Variants in IL21R observed in about 807,000 individuals in gnomAD.
IL21R encodes the protein interleukin 21 receptor.
IL21R carries 14 observed loss-of-function variants against 41.3 expected under a neutral mutation model. That is an observed-to-expected ratio of 0.34 (90% confidence interval 0.22 to 0.53). The LOEUF (loss-of-function observed/expected upper bound fraction) is 0.53. Ranked by LOEUF, IL21R falls within the 20% of genes least tolerant of loss-of-function variation. The pLI, the probability that IL21R is intolerant of heterozygous loss-of-function variation, is 0.94. For synonymous variants in IL21R, 286 were observed against 287.6 expected (o/e 0.99, Z 0.05); for missense variants, 588 against 681.6 (o/e 0.86, Z 1.53).
chr16:27,438,440 G>T (rs2087312486), intron 4 of IL21R, among the ~76,000 whole-genome samples: 1 of 152,188 alleles, frequency 6.6e-6, no homozygotes, highest in South Asian at 2.1e-4. Flanking sequence ...AATTAGGGCA[G>T]GTGGCAGGGC....
chr16:27,437,389 C>T lies in IL21R; in HGVS notation c.153-99C>T, dbSNP rs1032369255. The T allele has an allele frequency of 3.1e-6, 3 of 980,790 alleles. No individual in the cohort carries two copies. In the African/African-American group the frequency reaches 4.8e-5, roughly 16 times the overall value. 60.8% of individuals were successfully genotyped at this position (980,790 alleles called of 1,614,324 possible). The stretch of plus-strand genomic sequence containing the variant: ...GCCCTGCCTCAAATCCCTCCCAGCC[C>T]TGAGAGTCTGGGCTTCTGCCCTGGC... On this transcript the variant is annotated intron_variant, in intron 3 of 8. Coordinates refer to ENST00000337929, the MANE Select transcript of IL21R (RefSeq NM_181078.3).
intron 1 of IL21R, chr16:27,403,286 G>T: frequency 7.7e-7 from 1 of 1,297,416 alleles, no homozygotes. Flanking sequence ...AGTGGAGGCT[G>T]AGCCTTGAAG....
At chr16:27,440,625 G>A (rs1291532242) in intron 4 of IL21R, among the ~76,000 whole-genome samples, 1 of 152,164 alleles carries the variant, frequency 6.6e-6, no homozygotes, top group Non-Finnish European at 1.5e-5. Flanking sequence ...TGTGTTCTAG[G>A]AGCTGTGGGC....
chr16:27,421,200 A>C (rs367940934), intron 1 of IL21R, among the ~76,000 whole-genome samples: 1 of 152,096 alleles, frequency 6.6e-6, no homozygotes, highest in African/African-American at 2.4e-5. Flanking sequence ...CACAGTGTTG[A>C]TAAGTGTAGC....
chr16:27,442,879 G>A, intron 4 of IL21R, 83 bp from the exon 5 acceptor site: 2 of 1,319,478 alleles, frequency 1.5e-6, no homozygotes, highest in Non-Finnish European at 1.1e-6. Flanking sequence ...GTGGGGGCAG[G>A]CAGGACTTCC....
chr16:27,414,512 C>T (rs2086868629), intron 1 of IL21R, among the ~76,000 whole-genome samples: 1 of 151,882 alleles, frequency 6.6e-6, no homozygotes, highest in African/African-American at 2.4e-5. Context: ...TTCTACTTTC[C>T]TTTAATGTCA....
At chr16:27,424,405 C>A (rs540106430) in intron 1 of IL21R, among the ~76,000 whole-genome samples, 1 of 152,248 alleles carries the variant, frequency 6.6e-6, no homozygotes, top group South Asian at 2.1e-4. Flanking sequence ...CTCCATAGCA[C>A]TCACTTCAAT....
chr16:27,448,881 T>C lies in IL21R; in HGVS notation c.1215T>C (p.Asp405=). ...EDDGYPALDL[D]AGLEPSPGLE... is the part of the protein sequence containing the mutation. ...ACGGCTACCCAGCCCTGGACCTGGA[T>C]GCTGGCCTGGAGCCCAGCCCAGGCC... Residue 405 remains aspartate, a synonymous_variant, in exon 9 of 9, where the codon GAT becomes GAC. Coordinates refer to ENST00000337929, the MANE Select transcript of IL21R (RefSeq NM_181078.3). 1 of 1,612,392 alleles carries C rather than the reference T, an allele frequency of 6.2e-7. No homozygotes were observed. The highest frequency in any genetic ancestry group is 8.5e-7 in the Non-Finnish European group (1 of 1,179,520).
intron 1 of IL21R, among the ~76,000 whole-genome samples, chr16:27,418,416 T>A (rs2086936209): frequency 6.6e-6 from 1 of 151,992 alleles, no homozygotes; most frequent in Non-Finnish European, 1.5e-5. Flanking sequence ...TCACCCAGGC[T>A]GGAGTGCAGT....
chr16:27,411,433 T>C (rs796712089), intron 1 of IL21R, among the ~76,000 whole-genome samples: 1 of 149,966 alleles, frequency 6.7e-6, no homozygotes, highest in Non-Finnish European at 1.5e-5. Context: ...TTTGGGGAAA[T>C]GTCTATTCAT....
chr16:27,414,190 G>GTGTGTGTGTGTGTGTGTGTGTGTA (rs2086862811), intron 1 of IL21R, among the ~76,000 whole-genome samples: 1 of 151,138 alleles, frequency 6.6e-6, no homozygotes, highest in East Asian at 1.9e-4. Flanking sequence ...GTGTGTGTGT[G>GTGTGTGTGTGTGTGTGTGTGTGTA]ATCGTAATTA....
At chr16:27,428,324 G>A (rs1266074581) in intron 1 of IL21R, among the ~76,000 whole-genome samples, 1 of 152,236 alleles carries the variant, frequency 6.6e-6, no homozygotes, top group Non-Finnish European at 1.5e-5. Flanking sequence ...CTGCCCCAGG[G>A]TTCTTTGATG....
chr16:27,423,170 G>A (rs2087023057), intron 1 of IL21R, among the ~76,000 whole-genome samples: 1 of 151,642 alleles, frequency 6.6e-6, no homozygotes, highest in African/African-American at 2.4e-5. Context: ...GAAATTGCAT[G>A]CAGAATTTCA....
In IL21R at chr16:27,448,742, G is replaced by T. The variant is rs551751922; in HGVS notation, c.1076G>T (p.Gly359Val). The T allele has an allele frequency of 5.1e-5, 82 of 1,613,544 alleles. No individual in the cohort carries two copies. In the Middle Eastern group the frequency reaches 1.2e-3, roughly 23 times the overall value. ...PSFWPTAQNS[G>V]GSAYSEERDR... Reference sequence around the variant, plus strand: ...TTCTGGCCGACAGCCCAGAACTCGGGGGGCTCAGCTTACAGTGAGGAGAGG... The same window carrying T: ...TTCTGGCCGACAGCCCAGAACTCGGTGGGCTCAGCTTACAGTGAGGAGAGG... Residue 359 changes from glycine to valine, a missense_variant, in exon 9 of 9, where the codon GGG (glycine) becomes GTG (valine). Gly to Val is a moderately radical substitution (Grantham distance 109). Coordinates refer to ENST00000337929, the MANE Select transcript of IL21R (RefSeq NM_181078.3).
chr16:27,432,459 T>A (rs1381621869), intron 2 of IL21R, among the ~76,000 whole-genome samples: 1 of 152,136 alleles, frequency 6.6e-6, no homozygotes, highest in African/African-American at 2.4e-5. Context: ...CAGGGCATTT[T>A]CCCACCCTCT....
intron 1 of IL21R, among the ~76,000 whole-genome samples, chr16:27,411,454 C>CTTT (rs59761925): frequency 3.4e-5 from 2 of 58,052 alleles, no homozygotes; most frequent in Admixed American, 2.4e-4. Context: ...GTCCTTTGTC[C>CTTT]TTTTTTTTTT....
intron 3 of IL21R, among the ~76,000 whole-genome samples, chr16:27,435,874 T>G (rs142898309): frequency 1.2e-3 from 188 of 152,262 alleles, no homozygotes; most frequent in African/African-American, 4.1e-3. Context: ...GTTCAAGCAA[T>G]TCTCCTGCCT....
Position 27,418,057 on chromosome 16 carries a change from TTTATTTTATTTATG to T in IL21R, c.-16-11987_-16-11974del, listed in dbSNP as rs879734193. On this transcript the variant is annotated intron_variant, in intron 1 of 8. Coordinates refer to ENST00000337929, the MANE Select transcript of IL21R (RefSeq NM_181078.3). ...TTTATTTTATTTTATTTTATTTTAT[TTTATTTTATTTATG>T]TTATTTTATTTTATTTAAGACGGAG... Among the ~76,000 whole-genome samples the T allele has an allele frequency of 5.7e-3, 498 of 88,080 alleles. 2 individuals carry two copies. Among genetic ancestry groups the T allele is most frequent in the South Asian group, 9.2e-3 (16 of 1,732 alleles). 57.8% of individuals were successfully genotyped at this position (88,080 alleles called of 152,430 possible).
chr16:27,439,576 C>T (rs545446138), intron 4 of IL21R, among the ~76,000 whole-genome samples: 1 of 151,944 alleles, frequency 6.6e-6, no homozygotes, highest in South Asian at 2.1e-4. Flanking sequence ...CACGGGCACA[C>T]ATATGCACAC....
Sources: allele counts gnomAD v4.1 joint callset (sites outside exome capture counted in the v4.1 genomes callset), GRCh38; gene constraint gnomAD v4.1.1; transcripts MANE v1.5; gene names NCBI Gene and HGNC (gene_info 2026-07-23, HGNC 2026-07-21).